Variants in CXADR observed in about 807,000 individuals in gnomAD.
CXADR encodes coxsackievirus and adenovirus receptor.
In CXADR, 20 loss-of-function variants were observed where a neutral mutation model predicts 40.3. That is an observed-to-expected ratio of 0.50 (90% CI 0.35 to 0.72). The LOEUF is 0.72. Among genes scored for constraint, CXADR ranks in the 30% least tolerant of loss-of-function variants. The pLI, the probability that CXADR is intolerant of heterozygous loss-of-function variation, is 0.01. For synonymous variants in CXADR, 150 were observed against 161.3 expected (o/e 0.93, Z 0.53); for missense variants, 332 against 449.1 (o/e 0.74, Z 2.36).
In CXADR at chr21:17,568,370, T is replaced by G. The variant is rs1053377969; in HGVS notation, c.*2678T>G. On this transcript the variant is annotated 3_prime_UTR_variant, in exon 7 of 7. Transcript: ENST00000284878. ...GTCTCGATCTCCTGACCTCGTGATC[T>G]GCCTGCCTCGGCCTCCCAAAGTGCT... 5.4e-6 allele frequency: 5 copies of G among 917,824 alleles called. No homozygotes were observed. Among genetic ancestry groups the G allele is most frequent in the African/African-American group, 5.4e-5 (3 of 55,444 alleles). The allele number at this position is 917,824 out of a possible 1,614,324, so 56.9% of individuals were successfully genotyped here.
At chr21:17,631,533 G>T in the CXADR span, among the ~76,000 whole-genome samples, 1 of 152,252 alleles carries the variant, frequency 6.6e-6, no homozygotes, top group African/African-American at 2.4e-5. Context: ...AAATAATTTT[G>T]ATGAATTCTA....
At chr21:17,531,741 C>T (rs1051252142) in intron 1 of CXADR, among the ~76,000 whole-genome samples, 2 of 152,058 alleles carry the variant, frequency 1.3e-5, no homozygotes, top group African/African-American at 4.8e-5. Context: ...GTAAACTTAA[C>T]GATAAGTGTG....
chr21:17,629,702 G>A, the CXADR span, among the ~76,000 whole-genome samples: 1 of 152,114 alleles, frequency 6.6e-6, no homozygotes, highest in East Asian at 1.9e-4. Context: ...GCTGGGCATG[G>A]TGGTGGATGC....
chr21:17,589,761 G>A (rs1601067456), intron 7 of CXADR, among the ~76,000 whole-genome samples: 1 of 151,960 alleles, frequency 6.6e-6, no homozygotes, highest in Non-Finnish European at 1.5e-5. Context: ...AATGGTCCTC[G>A]TTTGAGTACT....
At chr21:17,559,675 T>TGG (rs2061085947) in intron 4 of CXADR, among the ~76,000 whole-genome samples, 1 of 142,438 alleles carries the variant, frequency 7.0e-6, no homozygotes, top group African/African-American at 2.7e-5. Context: ...TTGGGTTTTT[T>TGG]TTTTTTTTTT....
chr21:17,562,902 AG>A (rs1409743778), intron 6 of CXADR, among the ~76,000 whole-genome samples: 1 of 152,186 alleles, frequency 6.6e-6, no homozygotes, highest in Non-Finnish European at 1.5e-5. Flanking sequence ...GAATAGAGTT[AG>A]GGCCTTGCTC....
chr21:17,555,358 G>C (rs956547343), intron 3 of CXADR, among the ~76,000 whole-genome samples: 1 of 152,136 alleles, frequency 6.6e-6, no homozygotes, highest in African/African-American at 2.4e-5. Context: ...TACTGGGCAC[G>C]GCCCCTCACT....
At chr21:17,595,806 A>AG (rs1569172198), downstream of CXADR, among the ~76,000 whole-genome samples, 1 of 152,062 alleles carries the variant, frequency 6.6e-6, no homozygotes, top group Non-Finnish European at 1.5e-5. Context: ...TTTAATACTT[A>AG]GGAGTGGAAC....
At position 17,567,995 on chromosome 21, in the gene CXADR, G is replaced by C. The variant is rs1396433249; in HGVS notation, c.*2303G>C. ...CCAAATAGTACCAATACGTTTTCAA[G>C]TAGTTCTCACTGATAATTTAGTTGA... On this transcript the variant is annotated 3_prime_UTR_variant, in exon 7 of 7. Transcript: ENST00000284878. 2.0e-6 allele frequency: 2 copies of C among 984,822 alleles called. No individual in the cohort carries two copies. The highest frequency in any genetic ancestry group is 1.8e-5 in the African/African-American group (1 of 57,136). 61.0% of individuals were successfully genotyped at this position (984,822 alleles called of 1,614,324 possible). A position where few individuals can be genotyped will look rare whatever the true frequency, so the allele number is the denominator to read the frequency against.
Position 17,568,765 on chromosome 21 carries a change from C to A in CXADR, c.*3073C>A. ...CTGGTAATCTTAACTAATATGATTC[C>A]CTTGTTAGAGAGCCTCTCACTCCCC... On this transcript the variant is annotated 3_prime_UTR_variant, in exon 7 of 7. Coordinates refer to ENST00000284878, the MANE Select transcript of CXADR (RefSeq NM_001338.5). 1.0e-6 allele frequency: 1 copy of A among 984,788 alleles called. No individual in the cohort carries two copies. Among genetic ancestry groups the A allele is most frequent in the Non-Finnish European group, 1.2e-6 (1 of 829,832 alleles). The allele number at this position is 984,788 out of a possible 1,614,324, so 61.0% of individuals were successfully genotyped here.
intron 1 of CXADR, among the ~76,000 whole-genome samples, chr21:17,529,103 A>T (rs1475982772): frequency 5.8e-4 from 82 of 140,330 alleles, no homozygotes; most frequent in African/African-American, 2.1e-3. Flanking sequence ...CAGTGGCGCG[A>T]TCTAGGCTCA....
intron 7 of CXADR, among the ~76,000 whole-genome samples, chr21:17,577,831 C>G (rs1445389422): frequency 1.3e-5 from 2 of 151,962 alleles, no homozygotes; most frequent in Non-Finnish European, 2.9e-5. Flanking sequence ...TCCTGGCACT[C>G]TCTGCTTCTC....
chr21:17,514,046 T>A (rs531121886), intron 1 of CXADR, among the ~76,000 whole-genome samples: 1 of 152,312 alleles, frequency 6.6e-6, no homozygotes. Context: ...CGTAATCATT[T>A]TGACACTTTA....
At chr21:17,578,358 C>T (rs2061336326) in intron 7 of CXADR, among the ~76,000 whole-genome samples, 1 of 152,196 alleles carries the variant, frequency 6.6e-6, no homozygotes, top group Non-Finnish European at 1.5e-5. Context: ...TCTGGCCTTT[C>T]TAAGTGAAAG....
chr21:17,630,620 A>C, the CXADR span, among the ~76,000 whole-genome samples: 1 of 147,352 alleles, frequency 6.8e-6, no homozygotes, highest in Non-Finnish European at 1.5e-5. Flanking sequence ...CTGTCTTTTA[A>C]ATGTAGAGAA....
At chr21:17,599,817 T>C in the CXADR span, among the ~76,000 whole-genome samples, 4 of 152,152 alleles carry the variant, frequency 2.6e-5, no homozygotes, top group Non-Finnish European at 5.9e-5. Flanking sequence ...ATGCTAGTAA[T>C]TCAAGTCACA....
intron 1 of CXADR, among the ~76,000 whole-genome samples, chr21:17,526,390 A>G (rs1162394024): frequency 4.6e-5 from 7 of 152,222 alleles, no homozygotes; most frequent in Non-Finnish European, 1.5e-5. Flanking sequence ...TCATCAAAAC[A>G]TTTGTTACAG....
chr21:17,612,461 C>T, the CXADR span: 3 of 152,122 alleles, frequency 2.0e-5, no homozygotes, highest in East Asian at 1.9e-4. Context: ...GCGTCTTTTT[C>T]CTCAGGCGCC....
chr21:17,614,505 G>A, the CXADR span, among the ~76,000 whole-genome samples: 1 of 152,178 alleles, frequency 6.6e-6, no homozygotes, highest in Non-Finnish European at 1.5e-5. Flanking sequence ...TACTTTGGGA[G>A]GTCAAGGAGA....
Sources: gnomAD v4.1 joint callset for allele counts (sites outside exome capture counted in the v4.1 genomes callset) on GRCh38, gnomAD v4.1.1 for gene constraint, MANE v1.5 for transcripts, NCBI Gene and HGNC (gene_info 2026-07-23, HGNC 2026-07-21) for gene names.